Variants in SPCS2 observed in about 807,000 individuals in gnomAD.
The protein encoded by SPCS2 is SPase 25 kDa subunit.
Under a neutral mutation model 22.3 loss-of-function variants are expected in SPCS2, and 3 were observed. The ratio of observed to expected loss-of-function variants is 0.13; its 90% CI spans 0.06 to 0.35. The LOEUF is 0.35. Among genes scored for constraint, SPCS2 ranks in the 10% least tolerant of loss-of-function variants. The pLI is 1.00. For missense variants in SPCS2, 169 were observed against 280.9 expected (o/e 0.60, Z 2.85); for synonymous variants, 67 against 97.2 (o/e 0.69, Z 1.83).
intron 4 of SPCS2, among the ~76,000 whole-genome samples, chr11:74,971,262 C>T (rs148714753): frequency 6.4e-4 from 98 of 152,296 alleles, no homozygotes; most frequent in African/African-American, 2.2e-3. Flanking sequence ...TGTTGACAGA[C>T]ATTTGGGTTG....
Position 74,973,203 on chromosome 11 carries a change from G to A in SPCS2, c.494+3504G>A, listed in dbSNP as rs535873885. On this transcript the variant is annotated intron_variant, in intron 4 of 4. Transcript: ENST00000263672. ...GTCTCTCCTTTGCAGCTTCCAATGC[G>A]TCCTCTTCCCTAAAATCCCCCCTTT... is the stretch of plus-strand genomic sequence containing the variant. 1.1e-4 allele frequency among the ~76,000 whole-genome samples: 16 copies of A among 152,188 alleles called. No homozygotes were observed. The South Asian group carries it at 3.1e-3, about 30-fold the overall frequency.
At chr11:74,958,494 C>A (rs1314240418) in intron 1 of SPCS2, among the ~76,000 whole-genome samples, 1 of 152,122 alleles carries the variant, frequency 6.6e-6, no homozygotes, top group Non-Finnish European at 1.5e-5. Flanking sequence ...TCCTTTCTTG[C>A]TAAATATGTG....
intron 4 of SPCS2, among the ~76,000 whole-genome samples, chr11:74,976,254 C>T (rs192579687): frequency 6.6e-6 from 1 of 152,270 alleles, no homozygotes; most frequent in East Asian, 1.9e-4. Context: ...GATTCAAGCA[C>T]CAGAAACAAA....
Position 74,965,758 on chromosome 11 carries a change from A to T in SPCS2, c.199-5A>T, listed in dbSNP as rs770025908. 5.0e-6 allele frequency: 8 copies of T among 1,611,416 alleles called. No homozygotes were observed. The highest frequency in any genetic ancestry group is 6.8e-6 in the Non-Finnish European group (8 of 1,178,232). On this transcript the variant is annotated splice_polypyrimidine_tract_variant and splice_region_variant and intron_variant, in intron 2 of 4. Coordinates refer to ENST00000263672, the MANE Select transcript of SPCS2 (RefSeq NM_014752.3). ...ATTAGCTTGATTCCTTGTTTTTCTC[A>T]CCAGGTACTTCTGGAAAAATACAAA...
At chr11:74,967,528 T>C (rs1305930947) in intron 3 of SPCS2, among the ~76,000 whole-genome samples, 2 of 152,166 alleles carry the variant, frequency 1.3e-5, no homozygotes, top group African/African-American at 4.8e-5. Context: ...GGCGGGCGAA[T>C]CACTTGAGCC....
chr11:74,975,745 A>C (rs1294575903), intron 4 of SPCS2, among the ~76,000 whole-genome samples: 2 of 152,250 alleles, frequency 1.3e-5, no homozygotes, highest in Non-Finnish European at 2.9e-5. Flanking sequence ...CCTTTTGAGC[A>C]CTAGTTAATG....
intron 1 of SPCS2, among the ~76,000 whole-genome samples, chr11:74,953,953 C>T (rs1311543536): frequency 6.6e-6 from 1 of 152,208 alleles, no homozygotes; most frequent in African/African-American, 2.4e-5. Flanking sequence ...TCAGCCTGAT[C>T]TTAAAGCACA....
At chr11:74,955,880 A>ATATATATG (rs1948476251) in intron 1 of SPCS2, among the ~76,000 whole-genome samples, 1 of 120,984 alleles carries the variant, frequency 8.3e-6, no homozygotes, top group South Asian at 2.5e-4. Context: ...ATATATATAT[A>ATATATATG]TATATATCTG....
chr11:74,969,731 G>C, intron 4 of SPCS2, 32 bp downstream of exon 4: 1 of 1,612,934 alleles, frequency 6.2e-7, no homozygotes, highest in Non-Finnish European at 8.5e-7. Context: ...TTTAAATCCT[G>C]GTGTTGGATT....
chr11:74,956,652 G>A (rs1948480867), intron 1 of SPCS2, among the ~76,000 whole-genome samples: 1 of 152,152 alleles, frequency 6.6e-6, no homozygotes, highest in Non-Finnish European at 1.5e-5. Flanking sequence ...TCTCCACACA[G>A]CAGCCAGACT....
intron 4 of SPCS2, among the ~76,000 whole-genome samples, chr11:74,974,279 A>G (rs1006247555): frequency 5.4e-4 from 82 of 152,256 alleles, no homozygotes; most frequent in African/African-American, 1.9e-3. Context: ...AGATCTCTAA[A>G]TTTGTATTTT....
chr11:74,969,070 A>G (rs1045103134), intron 3 of SPCS2, among the ~76,000 whole-genome samples: 1 of 152,248 alleles, frequency 6.6e-6, no homozygotes, highest in African/African-American at 2.4e-5. Context: ...ACTGTCAAAA[A>G]CAATATAATA....
At chr11:74,963,506 T>G (rs1948525785) in intron 1 of SPCS2, 1 of 384,678 alleles carries the variant, frequency 2.6e-6, no homozygotes, top group Admixed American at 3.4e-5. Flanking sequence ...TTTAAAATCT[T>G]TACAATTATT....
intron 1 of SPCS2, among the ~76,000 whole-genome samples, chr11:74,959,540 GCAC>G (rs1306152120): frequency 1.3e-5 from 2 of 152,090 alleles, no homozygotes; most frequent in Admixed American, 6.6e-5. Flanking sequence ...CTTTAGGTGG[GCAC>G]CACCACACCT....
intron 1 of SPCS2, among the ~76,000 whole-genome samples, chr11:74,959,814 A>G (rs11821234): frequency 0.024 from 3,645 of 152,296 alleles, 125 homozygotes; most frequent in African/African-American, 0.084. Flanking sequence ...GCCTTCCTGT[A>G]CTGACTACAT....
chr11:74,972,894 ATTT>A (rs35593566), intron 4 of SPCS2, among the ~76,000 whole-genome samples: 1 of 110,766 alleles, frequency 9.0e-6, no homozygotes, highest in Non-Finnish European at 2.2e-5. Flanking sequence ...ATATATATAT[ATTT>A]TTTTTTTTCC....
At chr11:74,963,208 A>G (rs974802914) in intron 1 of SPCS2, among the ~76,000 whole-genome samples, 4 of 152,164 alleles carry the variant, frequency 2.6e-5, no homozygotes, top group African/African-American at 9.7e-5. Flanking sequence ...TTCAGTTTGT[A>G]TCTTTAAAAT....
At chr11:74,965,167 C>T in intron 2 of SPCS2, 50 bp downstream of exon 2, 3 of 1,215,756 alleles carry the variant, frequency 2.5e-6, no homozygotes, top group South Asian at 1.4e-5. Context: ...TGATGGCCAT[C>T]TCTCCTGGGA....
intron 4 of SPCS2, 109 bp downstream of exon 4, chr11:74,969,808 C>A: frequency 7.9e-7 from 1 of 1,270,202 alleles, no homozygotes. Context: ...GATCATAGGG[C>A]TAGTCATATA....
Sources: allele counts gnomAD v4.1 joint callset (sites outside exome capture counted in the v4.1 genomes callset), GRCh38; gene constraint gnomAD v4.1.1; transcripts MANE v1.5; gene names NCBI Gene and HGNC (gene_info 2026-07-23, HGNC 2026-07-21).